SEMA6D: variants seen among roughly 807,000 people sequenced by gnomAD.
SEMA6D encodes semaphorin-6D.
In SEMA6D, 35 loss-of-function variants were observed where a neutral mutation model predicts 106.6. The observed-to-expected ratio is 0.33, with a 90% CI of 0.25 to 0.44. The LOEUF (loss-of-function observed/expected upper bound fraction) is 0.44, where lower values mean the gene tolerates loss of function less well. Among genes scored for constraint, SEMA6D ranks in the 20% least tolerant of loss-of-function variants. The probability of loss-of-function intolerance (pLI) is 1.00; values close to 1 mark genes in which losing one functional copy is unlikely to be tolerated. For synonymous variants in SEMA6D, 499 were observed against 487.7 expected (o/e 1.02, Z -0.31); for missense variants, 1,185 against 1,345.9 (o/e 0.88, Z 1.87).
chr15:47,751,952 G>T (rs1163989485), intron 1 of SEMA6D, among the ~76,000 whole-genome samples: 1 of 152,158 alleles, frequency 6.6e-6, no homozygotes, highest in Non-Finnish European at 1.5e-5. Flanking sequence ...GAGGAGCGAG[G>T]CTTGGTAGGT....
chr15:47,558,627 G>T (rs1016933072), intron 3 of SEMA6D, among the ~76,000 whole-genome samples: 3 of 151,878 alleles, frequency 2.0e-5, no homozygotes, highest in Admixed American at 6.6e-5. Flanking sequence ...TATCAGTCAG[G>T]GAATCATTTA....
chr15:47,483,071 A>G (rs1243479788), intron 3 of SEMA6D, among the ~76,000 whole-genome samples: 2 of 152,190 alleles, frequency 1.3e-5, no homozygotes, highest in African/African-American at 4.8e-5. Context: ...TTAGAAGTTG[A>G]TAAGTACAGT....
chr15:47,733,018 T>C (rs2080224554), intron 1 of SEMA6D, among the ~76,000 whole-genome samples: 1 of 152,230 alleles, frequency 6.6e-6, no homozygotes, highest in Non-Finnish European at 1.5e-5. Flanking sequence ...AGATGCTAAC[T>C]CGATTCTCTT....
intron 3 of SEMA6D, among the ~76,000 whole-genome samples, chr15:47,534,558 A>T (rs1448618314): frequency 6.6e-6 from 1 of 152,244 alleles, no homozygotes; most frequent in Non-Finnish European, 1.5e-5. Flanking sequence ...AATAAATAGA[A>T]TAGTTACTAA....
intron 1 of SEMA6D, among the ~76,000 whole-genome samples, chr15:47,294,825 T>G (rs2035741767): frequency 6.6e-6 from 1 of 152,222 alleles, no homozygotes; most frequent in Non-Finnish European, 1.5e-5. Context: ...TTTATTCTTT[T>G]CAGCTATTGG....
intron 1 of SEMA6D, among the ~76,000 whole-genome samples, chr15:47,385,077 C>T (rs1380069842): frequency 4.9e-5 from 5 of 101,994 alleles, no homozygotes; most frequent in African/African-American, 1.9e-4. Context: ...CCATAGAACT[C>T]ATAAGGCAGC....
chr15:47,560,548 T>C (rs1362600672), intron 3 of SEMA6D, among the ~76,000 whole-genome samples: 1 of 151,776 alleles, frequency 6.6e-6, no homozygotes, highest in African/African-American at 2.4e-5. Context: ...TAAAGAAAAA[T>C]GAACAGAACT....
chr15:47,731,167 A>T (rs2080096838), intron 1 of SEMA6D, among the ~76,000 whole-genome samples: 1 of 152,148 alleles, frequency 6.6e-6, no homozygotes, highest in Non-Finnish European at 1.5e-5. Context: ...ATTGCTGCTA[A>T]TATAGTTTTG....
chr15:47,382,776 G>A (rs1026615183), intron 1 of SEMA6D, among the ~76,000 whole-genome samples: 1 of 152,106 alleles, frequency 6.6e-6, no homozygotes, highest in Non-Finnish European at 1.5e-5. Flanking sequence ...GTACCATTTG[G>A]TGAAGACAAG....
intron 4 of SEMA6D, among the ~76,000 whole-genome samples, chr15:47,668,834 G>A (rs796524886): frequency 2.6e-5 from 4 of 152,004 alleles, no homozygotes; most frequent in East Asian, 1.9e-4. Flanking sequence ...CTGCTCTTGC[G>A]GCAGTACCCA....
At chr15:47,510,629 A>G (rs918731551) in intron 3 of SEMA6D, among the ~76,000 whole-genome samples, 4 of 152,212 alleles carry the variant, frequency 2.6e-5, no homozygotes, top group Non-Finnish European at 5.9e-5. Context: ...ATAATTACCA[A>G]ACAACATAAG....
chr15:47,526,873 A>C (rs1399618423), intron 3 of SEMA6D, among the ~76,000 whole-genome samples: 3 of 152,040 alleles, frequency 2.0e-5, no homozygotes, highest in Non-Finnish European at 2.9e-5. Flanking sequence ...AGTAGCTGAG[A>C]TTACAGGCAC....
chr15:47,443,359 A>T (rs2041937028), intron 2 of SEMA6D, among the ~76,000 whole-genome samples: 2 of 152,118 alleles, frequency 1.3e-5, no homozygotes, highest in Admixed American at 1.3e-4. Context: ...TGGGAGTAGC[A>T]AAACCTTGGG....
At chr15:47,267,205 A>G (rs1398519090) in intron 1 of SEMA6D, among the ~76,000 whole-genome samples, 1 of 152,128 alleles carries the variant, frequency 6.6e-6, no homozygotes, top group Non-Finnish European at 1.5e-5. Context: ...GAATGAGATT[A>G]GACACTTAAA....
chr15:47,649,694 A>G (rs1372692087), intron 4 of SEMA6D, among the ~76,000 whole-genome samples: 1 of 152,212 alleles, frequency 6.6e-6, no homozygotes, highest in Non-Finnish European at 1.5e-5. Context: ...GGAGAGAGAA[A>G]GAGAAAGAAA....
intron 4 of SEMA6D, among the ~76,000 whole-genome samples, chr15:47,661,475 G>A (rs1017280769): frequency 1.3e-5 from 2 of 152,200 alleles, no homozygotes; most frequent in African/African-American, 4.8e-5. Flanking sequence ...GATTTTCTGG[G>A]TGAGGGGTGA....
chr15:47,657,681 C>T (rs1448572467), intron 4 of SEMA6D, among the ~76,000 whole-genome samples: 1 of 119,118 alleles, frequency 8.4e-6, no homozygotes, highest in Non-Finnish European at 1.7e-5. Flanking sequence ...AGGATTCATA[C>T]AAAAATTTAA....
chr15:47,347,402 C>T (rs2038090670), intron 1 of SEMA6D, among the ~76,000 whole-genome samples: 1 of 152,146 alleles, frequency 6.6e-6, no homozygotes, highest in Non-Finnish European at 1.5e-5. Context: ...AGCCATGTCC[C>T]TCCAAATAAC....
intron 3 of SEMA6D, among the ~76,000 whole-genome samples, chr15:47,523,278 C>T (rs967585338): frequency 4.6e-5 from 7 of 152,266 alleles, no homozygotes; most frequent in African/African-American, 1.7e-4. Flanking sequence ...GTGGAGAGGG[C>T]TGTGCTCTGA....
Sources: gnomAD v4.1 joint callset for allele counts (sites outside exome capture counted in the v4.1 genomes callset) on GRCh38, gnomAD v4.1.1 for gene constraint, MANE v1.5 for transcripts, NCBI Gene and HGNC (gene_info 2026-07-23, HGNC 2026-07-21) for gene names.